Variants in STAM observed in about 807,000 individuals in gnomAD.
STAM encodes the protein signal transducing adaptor molecule.
Under a neutral mutation model 63.4 loss-of-function variants are expected in STAM, and 16 were observed. The ratio of observed to expected loss-of-function variants is 0.25; its 90% confidence interval spans 0.17 to 0.38. The LOEUF is 0.38. STAM is among the 10% of genes least tolerant of loss of function. STAM has a pLI of 1.00. For missense variants in STAM, 636 were observed against 657.1 expected, an observed-to-expected ratio of 0.97 and a Z score of 0.35; for synonymous variants, 238 against 223.9, an observed-to-expected ratio of 1.06 and a Z score of -0.56.
rs1414536789 is a variant in STAM, at chr10:17,702,222, A to G, written c.912+1943A>G. On this transcript the variant is annotated intron_variant, in intron 9 of 13. Transcript: ENST00000377524. Reference sequence around the variant, plus strand: ...TAATAATAATCATTACCTTATACATATGAATGAATCTAATACTGAGAGTAT... The same window carrying G: ...TAATAATAATCATTACCTTATACATGTGAATGAATCTAATACTGAGAGTAT... Among the ~76,000 whole-genome samples, 47 of 152,202 alleles carry G rather than the reference A, an allele frequency of 3.1e-4. 1 individual carries two copies. Among genetic ancestry groups the G allele is most frequent in the Non-Finnish European group, 2.9e-5 (2 of 68,028 alleles).
chr10:17,704,360 G>C (rs1268379388), intron 9 of STAM, 71 bp from the exon 10 acceptor site: 3 of 1,337,672 alleles, frequency 2.2e-6, no homozygotes, highest in Non-Finnish European at 3.2e-6. Flanking sequence ...TTGTCTAGTT[G>C]ATAATAAAGT....
chr10:17,672,828 A>G (rs920427109), intron 2 of STAM: 1 of 157,360 alleles, frequency 6.4e-6, no homozygotes, highest in South Asian at 2.0e-4. Flanking sequence ...GTGACATCTT[A>G]CAGCAGTGTG....
chr10:17,706,199 CATATA>C (rs1836260802), intron 12 of STAM, among the ~76,000 whole-genome samples: 1 of 151,868 alleles, frequency 6.6e-6, no homozygotes, highest in Admixed American at 6.6e-5. Context: ...GCAGTTACAG[CATATA>C]ATATACTAAT....
chr10:17,671,683 A>G (rs147451957), intron 2 of STAM, among the ~76,000 whole-genome samples: 1 of 152,316 alleles, frequency 6.6e-6, no homozygotes, highest in East Asian at 1.9e-4. Context: ...TTAGTCTGAC[A>G]TAGGTTATTA....
At chr10:17,711,362 T>C (rs2131702546) in intron 13 of STAM, among the ~76,000 whole-genome samples, 1 of 152,332 alleles carries the variant, frequency 6.6e-6, no homozygotes, top group Non-Finnish European at 1.5e-5. Flanking sequence ...CTGAAGCTTA[T>C]GTATTTATTT....
In STAM at chr10:17,715,413, A is replaced by C. The variant is rs1200020379; in HGVS notation, c.*633A>C. On this transcript the variant is annotated 3_prime_UTR_variant, in exon 14 of 14. Coordinates refer to ENST00000377524, the MANE Select transcript of STAM (RefSeq NM_003473.4). ...GATATATATATATATGTGTGTGTAT[A>C]TATATATATCTACATGTCTTTCTGT... 6.5e-6 allele frequency: 1 copy of C among 153,248 alleles called. No homozygotes were observed. Among genetic ancestry groups the C allele is most frequent in the Admixed American group, 6.4e-5 (1 of 15,504 alleles). The allele number at this position is 153,248 out of a possible 1,614,324, so 9.5% of individuals were successfully genotyped here.
At chr10:17,702,715 A>G (rs1176638227) in intron 9 of STAM, among the ~76,000 whole-genome samples, 7 of 152,174 alleles carry the variant, frequency 4.6e-5, no homozygotes, top group Non-Finnish European at 8.8e-5. Flanking sequence ...ATTGCATTAT[A>G]TAAGAAAATG....
chr10:17,692,978 C>T (rs1018171582), intron 5 of STAM, among the ~76,000 whole-genome samples: 2 of 152,070 alleles, frequency 1.3e-5, no homozygotes, highest in Non-Finnish European at 2.9e-5. Context: ...TTAGTTGAAC[C>T]TCTTCACACA....
At chr10:17,691,538 C>T (rs1411493436) in intron 5 of STAM, among the ~76,000 whole-genome samples, 1 of 151,696 alleles carries the variant, frequency 6.6e-6, no homozygotes, top group Non-Finnish European at 1.5e-5. Context: ...AAATAAATGC[C>T]TGTGCATTTG....
At chr10:17,706,183 T>C (rs941267495) in intron 12 of STAM, among the ~76,000 whole-genome samples, 23 of 152,264 alleles carry the variant, frequency 1.5e-4, no homozygotes, top group Middle Eastern at 3.4e-3. Flanking sequence ...GGAATTTTTT[T>C]ACTTGGCAGT....
chr10:17,686,018 A>T (rs1427959063), intron 4 of STAM, among the ~76,000 whole-genome samples: 2 of 152,186 alleles, frequency 1.3e-5, no homozygotes, highest in African/African-American at 4.8e-5. Context: ...GTTCCAGGTT[A>T]CAGTAGAAAA....
intron 2 of STAM, among the ~76,000 whole-genome samples, chr10:17,684,347 C>T (rs1049096029): frequency 2.6e-5 from 4 of 151,988 alleles, no homozygotes; most frequent in Admixed American, 2.0e-4. Context: ...TTGTTTACAA[C>T]GGGAGTGTAA....
intron 1 of STAM, among the ~76,000 whole-genome samples, chr10:17,654,665 A>C (rs1554821937): frequency 6.6e-6 from 1 of 152,104 alleles, no homozygotes; most frequent in Non-Finnish European, 1.5e-5. Context: ...AAACCTTATT[A>C]TTTTCAAGGG....
At chr10:17,676,093 G>T (rs1834843920) in intron 2 of STAM, among the ~76,000 whole-genome samples, 1 of 152,140 alleles carries the variant, frequency 6.6e-6, no homozygotes, top group African/African-American at 2.4e-5. Context: ...TGCAGAGTTT[G>T]TGTTTTGTTT....
intron 12 of STAM, among the ~76,000 whole-genome samples, chr10:17,707,181 G>A (rs571117672): frequency 3.9e-5 from 6 of 151,960 alleles, no homozygotes; most frequent in South Asian, 2.1e-4. Flanking sequence ...AGGCCGAGGC[G>A]GGTGGATCAC....
Position 17,714,716 on chromosome 10 carries a change from A to C in STAM, c.1559A>C (p.Gln520Pro). 6.2e-7 allele frequency: 1 copy of C among 1,614,124 alleles called. No individual in the cohort carries two copies. The highest frequency in any genetic ancestry group is 1.1e-5 in the South Asian group (1 of 91,066). ...AACTTAACATCATCAACTCTGCCTC[A>C]GCCCGGAGGCAGCCAACAGCCACCT... The part of the protein sequence containing the change: ...NYNLTSSTLP[Q>P]PGGSQQPPQP... Residue 520 changes from glutamine to proline, a missense_variant, in exon 14 of 14, where the codon CAG becomes CCG. Coordinates refer to ENST00000377524, the MANE Select transcript of STAM (RefSeq NM_003473.4).
intron 2 of STAM, among the ~76,000 whole-genome samples, chr10:17,679,245 A>G (rs1233052513): frequency 6.6e-6 from 1 of 152,182 alleles, no homozygotes; most frequent in African/African-American, 2.4e-5. Context: ...CCTTTCTTAA[A>G]AAAATAGCCA....
At chr10:17,675,237 CTTACG>C (rs1834798974) in intron 2 of STAM, among the ~76,000 whole-genome samples, 2 of 152,194 alleles carry the variant, frequency 1.3e-5, no homozygotes, top group Non-Finnish European at 2.9e-5. Flanking sequence ...GGGCACGTGG[CTTACG>C]CCTGTAATTC....
chr10:17,672,345 A>G (rs11591757), intron 2 of STAM, among the ~76,000 whole-genome samples: 2,912 of 152,356 alleles, frequency 0.019, 30 homozygotes, highest in Middle Eastern at 0.027. Flanking sequence ...GAGAATTGCA[A>G]GAATGCAAAA....
Sources: gnomAD v4.1 joint callset for allele counts (sites outside exome capture counted in the v4.1 genomes callset) on GRCh38, gnomAD v4.1.1 for gene constraint, MANE v1.5 for transcripts, NCBI Gene and HGNC (gene_info 2026-07-23, HGNC 2026-07-21) for gene names.